LHPP: variants seen among roughly 807,000 people sequenced by gnomAD.
The protein encoded by LHPP is hLHPP.
In LHPP, 24 loss-of-function variants were observed where a neutral mutation model predicts 30.3. The ratio of observed to expected loss-of-function variants is 0.79; its 90% CI spans 0.57 to 1.11. The LOEUF is 1.11. Among genes scored for constraint, LHPP ranks in the 50% most tolerant of loss-of-function variants. LHPP has a pLI of 0.00. For missense variants in LHPP, 356 were observed against 367.2 expected (o/e 0.97, Z 0.25); for synonymous variants, 150 against 157.1 (o/e 0.95, Z 0.34).
chr10:124,556,199 C>T (rs548981852), intron 6 of LHPP, among the ~76,000 whole-genome samples: 5 of 152,326 alleles, frequency 3.3e-5, no homozygotes, highest in Admixed American at 6.5e-5. Flanking sequence ...GTGACGGTGA[C>T]CTCTGATGCC....
intron 1 of LHPP, among the ~76,000 whole-genome samples, chr10:124,469,068 G>A (rs1018973486): frequency 3.0e-4 from 45 of 152,320 alleles, no homozygotes; most frequent in Admixed American, 1.2e-3. Context: ...CCACGGGGGC[G>A]AGTGGCCCTG....
chr10:124,570,846 C>T (rs918114958), intron 6 of LHPP, among the ~76,000 whole-genome samples: 4 of 152,168 alleles, frequency 2.6e-5, no homozygotes, highest in African/African-American at 9.7e-5. Context: ...GTGGATAGGC[C>T]ACATTTTGTT....
Position 124,517,080 on chromosome 10 carries a change from A to C in LHPP, c.625-100A>C, listed in dbSNP as rs1954475635. ...TTAATTTGTATGATGGTGGTTGTAA[A>C]CATCAAATCAAGCCATTTATTATGT... On this transcript the variant is annotated intron_variant, in intron 5 of 6. Coordinates refer to ENST00000368842, the MANE Select transcript of LHPP (RefSeq NM_022126.4). This position sits in a 1 kb window ranked among gnomAD's most constrained non-coding sequence, Gnocchi z 4.1. 5 of 700,880 alleles carry C rather than the reference A, an allele frequency of 7.1e-6. No individual in the cohort carries two copies. In the African/African-American group the frequency reaches 7.2e-5, roughly 10 times the overall value. 43.4% of individuals were successfully genotyped at this position (700,880 alleles called of 1,614,324 possible).
Position 124,590,843 on chromosome 10 carries a change from C to T in LHPP, c.717-22421C>T, listed in dbSNP as rs1369908255. 6.6e-6 allele frequency among the ~76,000 whole-genome samples: 1 copy of T among 152,188 alleles called. No individual in the cohort carries two copies. Among genetic ancestry groups the T allele is most frequent in the Non-Finnish European group, 1.5e-5 (1 of 68,038 alleles). On this transcript the variant is annotated intron_variant, in intron 6 of 6. Transcript: ENST00000368842. This position sits in a 1 kb window ranked among gnomAD's most constrained non-coding sequence, Gnocchi z 4.3. ...CACACTTGGAGGGACAGGATGGCTT[C>T]GTATCCATCTGGCTGTGCCCTGTAA... is the stretch of plus-strand genomic sequence containing the variant.
At chr10:124,518,870 A>G (rs767465443) in intron 6 of LHPP, among the ~76,000 whole-genome samples, 4 of 152,176 alleles carry the variant, frequency 2.6e-5, no homozygotes, top group East Asian at 1.9e-4. Flanking sequence ...CCTGCATGCT[A>G]TTTAAAGAAG....
chr10:124,590,010 A>G lies in LHPP; in HGVS notation c.717-23254A>G, dbSNP rs979049110. 6.6e-6 allele frequency among the ~76,000 whole-genome samples: 1 copy of G among 151,986 alleles called. No homozygotes were observed. Among genetic ancestry groups the G allele is most frequent in the Non-Finnish European group, 1.5e-5 (1 of 67,982 alleles). On this transcript the variant is annotated intron_variant, in intron 6 of 6. Coordinates refer to ENST00000368842, the MANE Select transcript of LHPP (RefSeq NM_022126.4). This position sits in a 1 kb window ranked among gnomAD's most constrained non-coding sequence, Gnocchi z 4.3. ...AAATCCTTTCAGGAAAGTTCTCTCC[A>G]TCCCACCACTCCACCGCCCCCCGCC... is the stretch of plus-strand genomic sequence containing the variant.
intron 6 of LHPP, among the ~76,000 whole-genome samples, chr10:124,586,660 C>T (rs754166050): frequency 1.3e-5 from 2 of 152,128 alleles, no homozygotes; most frequent in Non-Finnish European, 2.9e-5. Flanking sequence ...AAAGGTGGAC[C>T]GAGAGGAGAC....
intron 5 of LHPP, among the ~76,000 whole-genome samples, chr10:124,515,020 T>G (rs1954411529): frequency 6.6e-6 from 1 of 152,148 alleles, no homozygotes; most frequent in Non-Finnish European, 1.5e-5. Flanking sequence ...TAGGCTGGCC[T>G]TGGACTCCTG....
chr10:124,567,948 C>G (rs563176771), intron 6 of LHPP, among the ~76,000 whole-genome samples: 2 of 152,314 alleles, frequency 1.3e-5, no homozygotes, highest in Admixed American at 6.5e-5. Context: ...GAGTCTCGCT[C>G]TGTCGCCAGG....
At chr10:124,470,308 G>GAAAC (rs1200553418) in intron 1 of LHPP, among the ~76,000 whole-genome samples, 1 of 152,128 alleles carries the variant, frequency 6.6e-6, no homozygotes, top group Admixed American at 6.5e-5. Flanking sequence ...GGCCCGGCTC[G>GAAAC]GCGTTTTTGG....
chr10:124,478,597 C>T lies in LHPP; in HGVS notation c.126-5542C>T, dbSNP rs773933859. On this transcript the variant is annotated intron_variant, in intron 1 of 6. Transcript: ENST00000368842. The surrounding 1 kb of genome is among the most constrained non-coding windows in gnomAD (Gnocchi z 4.7). ...GTAATGAGAGGGTTTTCATTATTTG[C>T]GGGTGAGCGCTCCTGGCAGATGCCA... Among the ~76,000 whole-genome samples, 10 of 152,210 alleles carry T rather than the reference C, an allele frequency of 6.6e-5. No individual in the cohort carries two copies. The highest frequency in any genetic ancestry group is 1.3e-4 in the Admixed American group (2 of 15,276).
At chr10:124,493,216 G>A (rs892514612) in intron 3 of LHPP, among the ~76,000 whole-genome samples, 21 of 152,150 alleles carry the variant, frequency 1.4e-4, no homozygotes, top group African/African-American at 5.1e-4. Context: ...GATTAGTGGC[G>A]TCTCTGCTGA....
chr10:124,587,737 C>CGAAAAAA (rs1948822922), intron 6 of LHPP, among the ~76,000 whole-genome samples: 1 of 43,706 alleles, frequency 2.3e-5, no homozygotes, highest in Non-Finnish European at 3.5e-5. Flanking sequence ...CAGACTCCAT[C>CGAAAAAA]TAAAAAAAAA....
chr10:124,469,549 C>T (rs1043066153), intron 1 of LHPP, among the ~76,000 whole-genome samples: 4 of 152,022 alleles, frequency 2.6e-5, no homozygotes, highest in African/African-American at 7.2e-5. Flanking sequence ...GACCAAAAAT[C>T]GGAGAGATTC....
At chr10:124,584,685 G>A (rs1434687333) in intron 6 of LHPP, among the ~76,000 whole-genome samples, 1 of 152,124 alleles carries the variant, frequency 6.6e-6, no homozygotes, top group Non-Finnish European at 1.5e-5. Context: ...TGAATTCTGG[G>A]GGGACATTCA....
At chr10:124,474,858 G>A (rs887139905) in intron 1 of LHPP, among the ~76,000 whole-genome samples, 1 of 152,006 alleles carries the variant, frequency 6.6e-6, no homozygotes, top group Non-Finnish European at 1.5e-5. Flanking sequence ...GGTGCCCCTG[G>A]GCGATACACT....
At chr10:124,463,820 C>CTTTTTTTTTTTTTTTTTTTTTTTTTTT (rs35122241) in intron 1 of LHPP, among the ~76,000 whole-genome samples, 1 of 120,778 alleles carries the variant, frequency 8.3e-6, no homozygotes, top group Non-Finnish European at 1.7e-5. Context: ...ATTTTTTTTT[C>CTTTTTTTTTTTTTTTTTTTTTTTTTTT]TTTTTTTTTT....
chr10:124,479,786 T>A (rs1014392022), intron 1 of LHPP, among the ~76,000 whole-genome samples: 1 of 152,186 alleles, frequency 6.6e-6, no homozygotes, highest in Admixed American at 6.5e-5. Flanking sequence ...ACATTGGGGG[T>A]TAGGACTCCC....
At chr10:124,537,704 G>A (rs1386121438) in intron 6 of LHPP, among the ~76,000 whole-genome samples, 1 of 152,232 alleles carries the variant, frequency 6.6e-6, no homozygotes, top group African/African-American at 2.4e-5. Flanking sequence ...GGTGGCCCAG[G>A]AGCTGGCTTC....
Sources: gnomAD v4.1 joint callset for allele counts (sites outside exome capture counted in the v4.1 genomes callset) on GRCh38, gnomAD v4.1.1 for gene constraint, Gnocchi (gnomAD v3.1) non-coding constraint, MANE v1.5 for transcripts, NCBI Gene and HGNC (gene_info 2026-07-23, HGNC 2026-07-21) for gene names.